Variants in KAZN observed in about 807,000 individuals in gnomAD.
The protein encoded by KAZN is kazrin, periplakin interacting protein.
A neutral mutation model predicts 87.4 loss-of-function variants in KAZN; 40 were observed. The observed-to-expected ratio is 0.46, with a 90% CI of 0.36 to 0.60. KAZN has a LOEUF of 0.60. KAZN is among the 20% of genes least tolerant of loss of function. KAZN has a pLI of 0.00. For missense variants in KAZN, 898 were observed against 1,073.9 expected, an observed-to-expected ratio of 0.84 and a Z score of 2.29; for synonymous variants, 466 against 458.3, an observed-to-expected ratio of 1.02 and a Z score of -0.22.
chr1:14,926,433 G>C (rs1239123409), intron 1 of KAZN, among the ~76,000 whole-genome samples: 1 of 152,138 alleles, frequency 6.6e-6, no homozygotes, highest in Admixed American at 6.5e-5. Flanking sequence ...CAGCCCTCAT[G>C]GTATGTCCGT....
rs76689325 is a variant in KAZN, at chr1:14,264,490, C to T, written c.249+83898C>T. Among the ~76,000 whole-genome samples the T allele has an allele frequency of 6.1e-3, 925 of 152,202 alleles. 11 individuals are homozygous for T. The highest frequency in any genetic ancestry group is 0.021 in the African/African-American group (858 of 41,530). On this transcript the variant is annotated intron_variant, in intron 2 of 16. Coordinates refer to the KAZN transcript ENST00000636203. ...CACAAATAGATTAATGCTGTTATTC[C>T]AGAAGTGGGTTAGTTATCAACAGAG... is the stretch of plus-strand genomic sequence containing the variant.
rs60001331 is a variant in KAZN at position 14,750,599 on chromosome 1, TA to T, written c.226+151390del. On this transcript the variant is annotated intron_variant, in intron 1 of 14. Transcript: ENST00000376030. ...TTTTGTACATGACAAGTTTCTTTTC[TA>T]AAAAAAAAAAAAAGACCTTTAAAAC... is the stretch of plus-strand genomic sequence containing the variant. Among the ~76,000 whole-genome samples, 512 of 144,192 alleles carry T rather than the reference TA, an allele frequency of 3.6e-3. 3 individuals are homozygous for T. The highest frequency in any genetic ancestry group is 7.5e-3 in the East Asian group (37 of 4,950). 94.6% of individuals were successfully genotyped at this position (144,192 alleles called of 152,430 possible).
intron 1 of KAZN, among the ~76,000 whole-genome samples, chr1:14,698,487 T>C (rs146054590): frequency 4.1e-4 from 62 of 152,348 alleles, no homozygotes; most frequent in African/African-American, 1.5e-3. Flanking sequence ...GTCCCGTGCA[T>C]ATGGAAATAA....
At chr1:14,134,795 T>TTAA (rs1213657789) in intron 1 of KAZN, among the ~76,000 whole-genome samples, 1 of 152,130 alleles carries the variant, frequency 6.6e-6, no homozygotes, top group Non-Finnish European at 1.5e-5. Context: ...TTTTCTCTGC[T>TTAA]TTATTATTAT....
chr1:14,118,754 AGACTG>A (rs1644685579), intron 1 of KAZN, among the ~76,000 whole-genome samples: 1 of 152,208 alleles, frequency 6.6e-6, no homozygotes, highest in Admixed American at 6.5e-5. Flanking sequence ...ACAGATGGGA[AGACTG>A]GGTGCCAGAA....
At chr1:14,015,653 G>A (rs765154412) in intron 1 of KAZN, among the ~76,000 whole-genome samples, 8 of 148,078 alleles carry the variant, frequency 5.4e-5, no homozygotes, top group Non-Finnish European at 1.2e-4. Context: ...GCTCACACCT[G>A]TAATCCCAGC....
At chr1:15,033,261 TTTA>T (rs1290560533) in intron 2 of KAZN, among the ~76,000 whole-genome samples, 2 of 152,228 alleles carry the variant, frequency 1.3e-5, no homozygotes, top group African/African-American at 2.4e-5. Flanking sequence ...CTTGTTTTTA[TTTA>T]TTATTAGGTA....
At chr1:14,799,483 G>C (rs567152423) in intron 1 of KAZN, among the ~76,000 whole-genome samples, 1 of 152,308 alleles carries the variant, frequency 6.6e-6, no homozygotes, top group South Asian at 2.1e-4. Context: ...GAATATTGAC[G>C]TGGACCGACA....
At chr1:14,422,367 T>A (rs763098449) in intron 2 of KAZN, among the ~76,000 whole-genome samples, 8 of 152,164 alleles carry the variant, frequency 5.3e-5, no homozygotes, top group Non-Finnish European at 1.0e-4. Context: ...GAGCTTCCCC[T>A]TTTCCTTCAA....
chr1:15,060,423 GA>G lies in KAZN; in HGVS notation c.1047+123del, dbSNP rs1638695617. On this transcript the variant is annotated intron_variant, in intron 6 of 14. Transcript: ENST00000376030. ...TCGTCCACCCAGGGAGCACTCTGGCGAATGCATTTCCTGTTCTGTTCTTTCC... is the reference window on the plus strand; with the variant it reads ...TCGTCCACCCAGGGAGCACTCTGGCGATGCATTTCCTGTTCTGTTCTTTCC... 5 of 1,286,628 alleles carry G rather than the reference GA, an allele frequency of 3.9e-6. No homozygotes were observed. The Admixed American group carries it at 1.0e-4, about 26-fold the overall frequency. 79.7% of individuals were successfully genotyped at this position (1,286,628 alleles called of 1,614,324 possible). A position where few individuals can be genotyped will look rare whatever the true frequency, so the allele number is the denominator to read the frequency against.
intron 2 of KAZN, among the ~76,000 whole-genome samples, chr1:14,370,737 A>C (rs116053190): frequency 6.6e-6 from 1 of 152,138 alleles, no homozygotes; most frequent in African/African-American, 2.4e-5. Flanking sequence ...TGTCACCCAG[A>C]CTGGAGTTGA....
At chr1:14,320,358 T>C (rs1349029235) in intron 2 of KAZN, among the ~76,000 whole-genome samples, 1 of 152,138 alleles carries the variant, frequency 6.6e-6, no homozygotes, top group East Asian at 1.9e-4. Flanking sequence ...ATCTATATTT[T>C]ATTTATTTCT....
chr1:14,843,610 CA>C (rs1648297285), intron 1 of KAZN, among the ~76,000 whole-genome samples: 1 of 152,210 alleles, frequency 6.6e-6, no homozygotes, highest in African/African-American at 2.4e-5. Flanking sequence ...GGCAAAGACC[CA>C]GAGGTGGGAA....
intron 1 of KAZN, among the ~76,000 whole-genome samples, chr1:14,092,150 G>A (rs61775673): frequency 0.14 from 20,276 of 146,566 alleles, 1,887 homozygotes; most frequent in Middle Eastern, 0.25. Context: ...GAGTGCAGTG[G>A]CGCAATCTCA....
intron 1 of KAZN, among the ~76,000 whole-genome samples, chr1:14,745,339 CAGCTCAAAATAGAT>C (rs906900855): frequency 2.6e-5 from 4 of 151,088 alleles, no homozygotes; most frequent in Non-Finnish European, 5.9e-5. Context: ...AAATGGTACG[CAGCTCAAAATAGAT>C]AGGAATGATA....
At chr1:14,871,893 G>T (rs1049151700) in intron 1 of KAZN, among the ~76,000 whole-genome samples, 5 of 152,010 alleles carry the variant, frequency 3.3e-5, no homozygotes, top group African/African-American at 1.2e-4. Flanking sequence ...GAGAATGGGG[G>T]TGTTTAGAGG....
intron 1 of KAZN, among the ~76,000 whole-genome samples, chr1:13,931,447 G>GGTGTGTGT (rs61432989): frequency 1.3e-5 from 2 of 149,736 alleles, no homozygotes; most frequent in East Asian, 2.0e-4. Flanking sequence ...CAGCCAGAGG[G>GGTGTGTGT]GTGTGTGTGT....
chr1:14,911,610 C>T (rs1332055292), intron 1 of KAZN, among the ~76,000 whole-genome samples: 1 of 152,200 alleles, frequency 6.6e-6, no homozygotes, highest in Admixed American at 6.5e-5. Flanking sequence ...TGGGAGAGCC[C>T]ACACCCTTGG....
chr1:14,128,279 C>T (rs1031315826), intron 1 of KAZN, among the ~76,000 whole-genome samples: 9 of 150,890 alleles, frequency 6.0e-5, no homozygotes, highest in East Asian at 2.0e-4. Flanking sequence ...AAGGCCTCTC[C>T]ATGGGCAGCC....
Sources: gnomAD v4.1 joint callset for allele counts (sites outside exome capture counted in the v4.1 genomes callset) on GRCh38, gnomAD v4.1.1 for gene constraint, MANE v1.5 for transcripts, NCBI Gene and HGNC (gene_info 2026-07-23, HGNC 2026-07-21) for gene names.